MECOM: variants seen among roughly 807,000 people sequenced by gnomAD.
MECOM encodes the protein histone-lysine N-methyltransferase MECOM.
In MECOM, 13 loss-of-function variants were observed where a neutral mutation model predicts 116.3. The ratio of observed to expected loss-of-function variants is 0.11; its 90% confidence interval spans 0.07 to 0.18. The LOEUF (loss-of-function observed/expected upper bound fraction) is 0.18. Among genes scored for constraint, MECOM ranks in the 10% least tolerant of loss-of-function variants. The probability of loss-of-function intolerance (pLI) is 1.00; values close to 1 mark genes in which losing one functional copy is unlikely to be tolerated. For synonymous variants in MECOM, 528 were observed against 535.2 expected (o/e 0.99, Z 0.19); for missense variants, 1,299 against 1,509.0 (o/e 0.86, Z 2.31).
chr3:169,409,100 T>TGAGA (rs1265237812), intron 1 of MECOM, among the ~76,000 whole-genome samples: 2 of 152,146 alleles, frequency 1.3e-5, no homozygotes, highest in African/African-American at 4.8e-5. Context: ...TCTGCAACAG[T>TGAGA]GAGAGAGTCA....
intron 2 of MECOM, chr3:169,146,984 G>T (rs1740122824): frequency 2.0e-6 from 2 of 995,078 alleles, no homozygotes; most frequent in South Asian, 4.4e-5. Flanking sequence ...TTTATTGTCC[G>T]CCAACAGTGT....
intron 2 of MECOM, among the ~76,000 whole-genome samples, chr3:169,279,895 T>A (rs1276309699): frequency 3.3e-5 from 5 of 152,198 alleles, no homozygotes; most frequent in African/African-American, 1.2e-4. Flanking sequence ...AGCTCTGCTA[T>A]TTTGCTTGCA....
At chr3:169,125,047 A>G (rs1479507414) in intron 5 of MECOM, among the ~76,000 whole-genome samples, 1 of 152,088 alleles carries the variant, frequency 6.6e-6, no homozygotes, top group Non-Finnish European at 1.5e-5. Context: ...CTTCCTCCCC[A>G]CAACTCTATT....
At chr3:169,354,540 G>A (rs1447646459) in intron 2 of MECOM, among the ~76,000 whole-genome samples, 1 of 151,732 alleles carries the variant, frequency 6.6e-6, no homozygotes, top group Non-Finnish European at 1.5e-5. Context: ...TAGTTTGGTC[G>A]TATTACCCAT....
intron 7 of MECOM, among the ~76,000 whole-genome samples, chr3:169,118,293 T>C (rs763032028): frequency 3.3e-5 from 5 of 152,210 alleles, no homozygotes; most frequent in Admixed American, 1.3e-4. Context: ...GTGCCTTCAA[T>C]TGTGGGATGA....
chr3:169,383,045 C>T (rs1380321307), intron 1 of MECOM, among the ~76,000 whole-genome samples: 1 of 151,860 alleles, frequency 6.6e-6, no homozygotes, highest in African/African-American at 2.4e-5. Context: ...CAATTAAAGT[C>T]TTCTAAGAGA....
intron 1 of MECOM, among the ~76,000 whole-genome samples, chr3:169,487,418 C>T (rs1752522226): frequency 6.6e-6 from 1 of 151,918 alleles, no homozygotes; most frequent in Non-Finnish European, 1.5e-5. Context: ...ATGTGATCTA[C>T]AGTGTTTCCA....
intron 2 of MECOM, among the ~76,000 whole-genome samples, chr3:169,289,401 G>A (rs1347004904): frequency 6.6e-6 from 1 of 152,102 alleles, no homozygotes; most frequent in Non-Finnish European, 1.5e-5. Context: ...ATGTTGGGAT[G>A]GTTACTTATT....
intron 2 of MECOM, among the ~76,000 whole-genome samples, chr3:169,304,425 T>C (rs1011997065): frequency 6.6e-6 from 1 of 152,196 alleles, no homozygotes; most frequent in Non-Finnish European, 1.5e-5. Context: ...TTGGAGCCAA[T>C]TGACAAGTAA....
At chr3:169,183,565 A>G (rs1052437310) in intron 2 of MECOM, among the ~76,000 whole-genome samples, 1 of 152,116 alleles carries the variant, frequency 6.6e-6, no homozygotes, top group Non-Finnish European at 1.5e-5. Flanking sequence ...TCACCATTGT[A>G]GCAGCAACAG....
At chr3:169,368,762 G>A (rs1039098216) in intron 2 of MECOM, among the ~76,000 whole-genome samples, 1 of 151,970 alleles carries the variant, frequency 6.6e-6, no homozygotes, top group African/African-American at 2.4e-5. Flanking sequence ...CCAAATCCTA[G>A]ACAACTGTCA....
chr3:169,492,461 A>G (rs1753214517), intron 1 of MECOM, among the ~76,000 whole-genome samples: 1 of 152,216 alleles, frequency 6.6e-6, no homozygotes, highest in African/African-American at 2.4e-5. Context: ...AATCATATAT[A>G]ACAATCCCTG....
intron 1 of MECOM, among the ~76,000 whole-genome samples, chr3:169,393,812 T>A (rs919234534): frequency 2.0e-5 from 3 of 152,104 alleles, no homozygotes. Flanking sequence ...CTCAGGATAA[T>A]CAATTGAAAT....
chr3:169,457,286 G>A (rs1452227746), intron 1 of MECOM, among the ~76,000 whole-genome samples: 1 of 152,156 alleles, frequency 6.6e-6, no homozygotes, highest in African/African-American at 2.4e-5. Flanking sequence ...TACCCTAGAT[G>A]ATTTTTTTCT....
chr3:169,153,673 GA>G (rs1439581625), intron 2 of MECOM, among the ~76,000 whole-genome samples: 1 of 152,142 alleles, frequency 6.6e-6, no homozygotes, highest in Non-Finnish European at 1.5e-5. Context: ...ATCTTGTGGG[GA>G]AAGTTTGTTG....
chr3:169,381,733 T>C (rs1195232319), intron 1 of MECOM, among the ~76,000 whole-genome samples: 1 of 152,184 alleles, frequency 6.6e-6, no homozygotes, highest in Non-Finnish European at 1.5e-5. Flanking sequence ...AATCCATAAA[T>C]CAAATGAGCT....
At chr3:169,650,846 A>T (rs887070960) in intron 1 of MECOM, among the ~76,000 whole-genome samples, 3 of 152,098 alleles carry the variant, frequency 2.0e-5, no homozygotes, top group Non-Finnish European at 4.4e-5. Context: ...ACTGGACACT[A>T]CCCAAATGTC....
intron 2 of MECOM, 63 bp downstream of exon 2, chr3:169,381,124 T>A: frequency 6.9e-7 from 1 of 1,439,142 alleles, no homozygotes; most frequent in Middle Eastern, 1.8e-4. Flanking sequence ...TGTGGATGCT[T>A]AAACAATCTC....
chr3:169,240,195 T>C (rs1754608620), intron 2 of MECOM, among the ~76,000 whole-genome samples: 1 of 152,188 alleles, frequency 6.6e-6, no homozygotes, highest in South Asian at 2.1e-4. Flanking sequence ...TGTGATTGCT[T>C]CTTTGACCCC....
Sources: allele counts gnomAD v4.1 joint callset (sites outside exome capture counted in the v4.1 genomes callset), GRCh38; gene constraint gnomAD v4.1.1; transcripts MANE v1.5; gene names NCBI Gene and HGNC (gene_info 2026-07-23, HGNC 2026-07-21).